Variants in LAMP3 observed in about 807,000 individuals in gnomAD.
LAMP3 encodes the protein lysosome-associated membrane glycoprotein 3.
LAMP3 carries 26 observed loss-of-function variants against 34.8 expected under a neutral mutation model. That is an observed-to-expected ratio of 0.75 (90% confidence interval 0.55 to 1.04). The LOEUF is 1.04. Among genes scored for constraint, LAMP3 ranks in the 50% least tolerant of loss-of-function variants. The probability of loss-of-function intolerance (pLI) is 0.00; values close to 1 mark genes in which losing one functional copy is unlikely to be tolerated. For synonymous variants in LAMP3, 180 were observed against 201.9 expected, an observed-to-expected ratio of 0.89 and a Z score of 0.92; for missense variants, 495 against 524.0, an observed-to-expected ratio of 0.94 and a Z score of 0.54.
At chr3:183,149,544 C>CAAAAAA (rs1177679833) in intron 3 of LAMP3, among the ~76,000 whole-genome samples, 13 of 93,400 alleles carry the variant, frequency 1.4e-4, no homozygotes, top group Non-Finnish European at 1.7e-4. Flanking sequence ...GACTCCAACT[C>CAAAAAA]AAAAAAAAAA....
Position 183,124,179 on chromosome 3 carries a change from G to A in LAMP3, c.1153C>T (p.Pro385Ser), listed in dbSNP as rs1240093108. 1.2e-6 allele frequency: 2 copies of A among 1,607,496 alleles called. No homozygotes were observed. The highest frequency in any genetic ancestry group is 1.7e-6 in the Non-Finnish European group (2 of 1,177,876). Reference protein sequence around the residue: ...ECSSDYTIVLPVIGAIVVGLC... With the variant: ...ECSSDYTIVLSVIGAIVVGLC... ...CCAACCACGATGGCCCCAATCACAG[G>A]AAGCACAATTGTGTAGTCAGACGAG... is the stretch of plus-strand genomic sequence containing the variant. Residue 385 changes from proline to serine, a missense_variant, in exon 6 of 6, where the codon CCT becomes TCT. Coordinates refer to ENST00000265598, the MANE Select transcript of LAMP3 (RefSeq NM_014398.4).
intron 5 of LAMP3, chr3:183,132,739 A>C: frequency 1.0e-6 from 1 of 985,448 alleles, no homozygotes; most frequent in Non-Finnish European, 1.2e-6. Context: ...GAGACAGGTC[A>C]ATCCTTTCAC....
chr3:183,148,854 A>G (rs1720525610), intron 3 of LAMP3, among the ~76,000 whole-genome samples: 1 of 152,234 alleles, frequency 6.6e-6, no homozygotes. Flanking sequence ...TATACCCCAA[A>G]GAAAGAAAAT....
intron 3 of LAMP3, among the ~76,000 whole-genome samples, chr3:183,150,978 C>A (rs2108609707): frequency 6.6e-6 from 1 of 152,256 alleles, no homozygotes; most frequent in East Asian, 1.9e-4. Context: ...CAAAAGGAAA[C>A]CACTGACTTC....
chr3:183,132,699 T>C (rs1719962652), intron 5 of LAMP3: 4 of 985,326 alleles, frequency 4.1e-6, no homozygotes, highest in African/African-American at 1.7e-5. Context: ...TTAGGTTTCC[T>C]AATCAGCTCA....
intron 3 of LAMP3, among the ~76,000 whole-genome samples, chr3:183,142,535 G>A (rs1218041705): frequency 2.6e-5 from 4 of 151,924 alleles, no homozygotes; most frequent in African/African-American, 9.7e-5. Flanking sequence ...AGACAGAATC[G>A]ATATTAACAG....
intron 5 of LAMP3, among the ~76,000 whole-genome samples, chr3:183,130,371 G>A (rs1041602358): frequency 8.6e-5 from 13 of 151,828 alleles, no homozygotes; most frequent in African/African-American, 3.1e-4. Flanking sequence ...TGTTAGCTAG[G>A]ATGGTCTCGA....
intron 5 of LAMP3, among the ~76,000 whole-genome samples, chr3:183,129,622 C>T (rs1719860387): frequency 6.6e-6 from 1 of 152,170 alleles, no homozygotes; most frequent in East Asian, 1.9e-4. Flanking sequence ...CTTACTCTTT[C>T]ATTTTAACAT....
chr3:183,144,113 T>C (rs558953201), intron 3 of LAMP3, among the ~76,000 whole-genome samples: 6 of 152,212 alleles, frequency 3.9e-5, no homozygotes, highest in Non-Finnish European at 1.5e-5. Context: ...GCATCAATCA[T>C]GTCCTTTTCG....
chr3:183,140,436 AAAAGC>A, intron 4 of LAMP3, 97 bp downstream of exon 4: 1 of 454,842 alleles, frequency 2.2e-6, no homozygotes, highest in Non-Finnish European at 4.1e-6. Flanking sequence ...AAAAAAAAAA[AAAAGC>A]AGCATCAAAC....
At chr3:183,136,389 C>T (rs375988726) in intron 4 of LAMP3, among the ~76,000 whole-genome samples, 37 of 151,876 alleles carry the variant, frequency 2.4e-4, no homozygotes, top group Middle Eastern at 3.2e-3. Flanking sequence ...CGGTGGCTCA[C>T]GCCTGTAATC....
intron 5 of LAMP3, chr3:183,132,961 A>G (rs753418285): frequency 1.5e-5 from 15 of 984,922 alleles, no homozygotes; most frequent in African/African-American, 3.5e-5. Context: ...CATCCGCTGT[A>G]ATTGAAGTCA....
rs1326999273 is a variant in LAMP3 at position 183,122,567 on chromosome 3, G to A, written c.*1514C>T. On this transcript the variant is annotated 3_prime_UTR_variant, in exon 6 of 6. Transcript: ENST00000265598. Reference sequence around the variant, plus strand: ...ACACTCAAGAAAGAACAGTTGGTTAGCGAAGTTTCTCTATTATCAAAAAAA... The same window carrying A: ...ACACTCAAGAAAGAACAGTTGGTTAACGAAGTTTCTCTATTATCAAAAAAA... 3 of 152,234 alleles carry A rather than the reference G, an allele frequency of 2.0e-5. No homozygotes were observed. Among genetic ancestry groups the A allele is most frequent in the Admixed American group, 6.5e-5 (1 of 15,286 alleles). The allele number at this position is 152,234 out of a possible 1,614,324, so 9.4% of individuals were successfully genotyped here.
chr3:183,150,433 G>C (rs568029536), intron 3 of LAMP3, among the ~76,000 whole-genome samples: 1 of 152,274 alleles, frequency 6.6e-6, no homozygotes, highest in South Asian at 2.1e-4. Flanking sequence ...AAATGCTGGA[G>C]TTTATTGATG....
rs1419608681 is a variant in LAMP3, at chr3:183,152,348, G to A, written c.888+27C>T. 3 of 1,579,480 alleles carry A rather than the reference G, an allele frequency of 1.9e-6. No homozygotes were observed. In the South Asian group the frequency reaches 3.5e-5, roughly 18 times the overall value. ...GAGAGGGAAAGCTGTACCAGATGCA[G>A]TTTGTGCAAAGGAGCTCAGGCCTCA... On this transcript the variant is annotated intron_variant, in intron 3 of 5. Coordinates refer to ENST00000265598, the MANE Select transcript of LAMP3 (RefSeq NM_014398.4).
upstream of LAMP3, chr3:183,163,700 C>T (rs1483433311): frequency 1.3e-5 from 2 of 152,356 alleles, no homozygotes; most frequent in East Asian, 3.9e-4. Flanking sequence ...CCCCTAAGCA[C>T]CCTGACTCCA....
chr3:183,136,074 T>C (rs1345875273), intron 4 of LAMP3, among the ~76,000 whole-genome samples, 187 bp from the exon 5 acceptor site: 1 of 152,022 alleles, frequency 6.6e-6, no homozygotes, highest in Non-Finnish European at 1.5e-5. Context: ...AGCTGCTCTG[T>C]TTGGGGTATA....
At position 183,154,187 on chromosome 3, in the gene LAMP3, G is replaced by T. The variant is rs777807721; in HGVS notation, c.254C>A (p.Thr85Lys). 1.9e-6 allele frequency: 3 copies of T among 1,613,974 alleles called. No individual in the cohort carries two copies. The highest frequency in any genetic ancestry group is 2.5e-6 in the Non-Finnish European group (3 of 1,180,012). Residue 85 changes from threonine to lysine, a missense_variant, in exon 2 of 6, where the codon ACA (threonine) becomes AAA (lysine). Coordinates refer to ENST00000265598, the MANE Select transcript of LAMP3 (RefSeq NM_014398.4). ...FQTAATVKIP[T>K]TTPATTKNTA... ...GTTTTTTGTAGTCGCTGGGGTAGTTGTTGGAATTTTTACTGTGGCCGCTGT... is the reference window on the plus strand; with the variant it reads ...GTTTTTTGTAGTCGCTGGGGTAGTTTTTGGAATTTTTACTGTGGCCGCTGT...
Position 183,140,581 on chromosome 3 carries a change from A to G in LAMP3, c.903T>C (p.Tyr301=). 1 of 1,601,024 alleles carries G rather than the reference A, an allele frequency of 6.2e-7. No individual in the cohort carries two copies. Among genetic ancestry groups the G allele is most frequent in the South Asian group, 1.1e-5 (1 of 90,788 alleles). The change falls in exon 4 of 6, where the codon TAT becomes TAC. Residue 301 remains tyrosine (Y), a synonymous_variant. Transcript: ENST00000265598. ...NLTFTKDEES[Y]YISEVGAYLT... is the part of the protein sequence containing the mutation. ...AATAGGCTCCCACTTCACTGATATA[A>G]TATGATTCTTCATCCTGTAAAACAG...
Sources: allele counts gnomAD v4.1 joint callset (sites outside exome capture counted in the v4.1 genomes callset), GRCh38; gene constraint gnomAD v4.1.1; transcripts MANE v1.5; gene names NCBI Gene and HGNC (gene_info 2026-07-23, HGNC 2026-07-21).